The following CACNA1A variants were observed in gnomAD, a reference collection of about 807,000 sequenced individuals.
CACNA1A encodes calcium voltage-gated channel subunit alpha1 A.
A neutral mutation model predicts 262.4 loss-of-function variants in CACNA1A; 57 were observed. The ratio of observed to expected loss-of-function variants is 0.22; its 90% confidence interval spans 0.18 to 0.27. The LOEUF (loss-of-function observed/expected upper bound fraction) is 0.27. Ranked by LOEUF, CACNA1A falls within the 10% of genes least tolerant of loss-of-function variation. The pLI, the probability that CACNA1A is intolerant of heterozygous loss-of-function variation, is 1.00. For synonymous variants in CACNA1A, 1,431 were observed against 1,419.3 expected (o/e 1.01, Z -0.18); for missense variants, 2,526 against 3,562.8 (o/e 0.71, Z 7.41).
chr19:13,280,960 A>T (rs2057276152), intron 22 of CACNA1A, among the ~76,000 whole-genome samples: 1 of 149,818 alleles, frequency 6.7e-6, no homozygotes, highest in South Asian at 2.1e-4. Context: ...AAAAAAAAAA[A>T]GAATGCCCAT....
At chr19:13,397,074 T>C (rs2059823311) in intron 3 of CACNA1A, among the ~76,000 whole-genome samples, 1 of 152,196 alleles carries the variant, frequency 6.6e-6, no homozygotes, top group African/African-American at 2.4e-5. Context: ...TGGTCTTCTT[T>C]TGAACCATCT....
intron 3 of CACNA1A, among the ~76,000 whole-genome samples, chr19:13,426,344 G>A (rs574712991): frequency 6.6e-6 from 1 of 152,060 alleles, no homozygotes; most frequent in East Asian, 1.9e-4. Context: ...TCTCAAGTGG[G>A]GGCGTTTCTA....
Position 13,227,532 on chromosome 19 carries a change from C to T in CACNA1A, c.5529-5G>A. 1 of 1,532,446 alleles carries T rather than the reference C, an allele frequency of 6.5e-7. No individual in the cohort carries two copies. 94.9% of individuals were successfully genotyped at this position (1,532,446 alleles called of 1,614,324 possible). A position where few individuals can be genotyped will look rare whatever the true frequency, so the allele number is the denominator to read the frequency against. On this transcript the variant is annotated splice_region_variant and splice_polypyrimidine_tract_variant and intron_variant, in intron 36 of 46. Transcript: ENST00000360228. ...TCCAGGTAAGGCATGCGGCCCCTGG[C>T]AGCACCGAAAATGAAAAAAACAAAA...
chr19:13,239,308 C>T (rs529051080), intron 31 of CACNA1A, among the ~76,000 whole-genome samples: 32 of 152,308 alleles, frequency 2.1e-4, no homozygotes, highest in African/African-American at 7.5e-4. Flanking sequence ...TCACAGGTTC[C>T]GTCCCACCAC....
intron 1 of CACNA1A, among the ~76,000 whole-genome samples, chr19:13,464,579 T>C (rs1369825852): frequency 1.3e-5 from 2 of 149,434 alleles, no homozygotes; most frequent in Non-Finnish European, 3.0e-5. Context: ...GACCGAGTCT[T>C]GCTCTTTCGC....
chr19:13,255,892 CCTTT>C (rs112211843), intron 28 of CACNA1A, among the ~76,000 whole-genome samples: 4,265 of 141,902 alleles, frequency 0.03, 226 homozygotes, highest in African/African-American at 0.099. Flanking sequence ...TCCTTCGCTC[CCTTT>C]CTTTCTTCTT....
chr19:13,243,237 C>A (rs1425021917), intron 31 of CACNA1A, among the ~76,000 whole-genome samples: 3 of 152,190 alleles, frequency 2.0e-5, no homozygotes, highest in Non-Finnish European at 2.9e-5. Flanking sequence ...TGGGCAAGAA[C>A]CCTCTAGAGG....
chr19:13,382,472 G>A (rs2059540489), intron 3 of CACNA1A, among the ~76,000 whole-genome samples: 1 of 152,192 alleles, frequency 6.6e-6, no homozygotes, highest in African/African-American at 2.4e-5. Context: ...AGATAAGGGA[G>A]GCTTCTCTGG....
In CACNA1A at chr19:13,308,642, G is replaced by A. The variant is rs1177037201; in HGVS notation, c.1669-114C>T. On this transcript the variant is annotated intron_variant, in intron 12 of 46. Transcript: ENST00000360228. The surrounding 1 kb of genome is among the most constrained non-coding windows in gnomAD (Gnocchi z 4.2). ...CTCAACCAAACTCCTCCCTCCAAATGGAAGCCGGGTGAGGATCCTTGACCC... is the reference window on the plus strand; with the variant it reads ...CTCAACCAAACTCCTCCCTCCAAATAGAAGCCGGGTGAGGATCCTTGACCC... 2.4e-5 allele frequency: 15 copies of A among 622,046 alleles called. No homozygotes were observed. In the East Asian group the frequency reaches 3.9e-4, roughly 16 times the overall value. 38.5% of individuals were successfully genotyped at this position (622,046 alleles called of 1,614,324 possible).
chr19:13,206,453 T>C lies in CACNA1A; in HGVS notation c.*860A>G, dbSNP rs1459283079. ...CTATCCAAAAGCCCTTTGATTCAAC[T>C]TTTTTTTATTTTTTTTTTCTTTTTG... On this transcript the variant is annotated 3_prime_UTR_variant, in exon 47 of 47. Coordinates refer to ENST00000360228, the MANE Select transcript of CACNA1A (RefSeq NM_001127222.2). 5 of 151,912 alleles carry C rather than the reference T, an allele frequency of 3.3e-5. No individual in the cohort carries two copies. The highest frequency in any genetic ancestry group is 1.2e-4 in the African/African-American group (5 of 41,330). The allele number at this position is 151,912 out of a possible 1,614,324, so 9.4% of individuals were successfully genotyped here.
At chr19:13,386,137 T>G in intron 3 of CACNA1A, among the ~76,000 whole-genome samples, 1 of 143,684 alleles carries the variant, frequency 7.0e-6, no homozygotes, top group Non-Finnish European at 1.5e-5. Context: ...GGCAACAGAG[T>G]GAGACCTTGT....
chr19:13,270,557 C>A (rs1432459228), intron 24 of CACNA1A, among the ~76,000 whole-genome samples: 1 of 152,212 alleles, frequency 6.6e-6, no homozygotes, highest in African/African-American at 2.4e-5. Context: ...GCAAAAGAGG[C>A]CAGAAACCTG....
At chr19:13,334,522 G>C (rs751199415) in intron 7 of CACNA1A, 29 bp from the exon 8 acceptor site, 50 of 1,219,980 alleles carry the variant, frequency 4.1e-5, no homozygotes, top group Admixed American at 6.7e-5. Context: ...GCCAGAGTAT[G>C]GCTGTTTTGA....
chr19:13,276,591 C>T (rs2057153243), intron 23 of CACNA1A, among the ~76,000 whole-genome samples: 1 of 152,170 alleles, frequency 6.6e-6, no homozygotes, highest in African/African-American at 2.4e-5. Flanking sequence ...GCCACACCAG[C>T]TTCCTTGCTG....
chr19:13,338,131 C>T (rs188972656), intron 6 of CACNA1A, among the ~76,000 whole-genome samples: 162 of 152,180 alleles, frequency 1.1e-3, no homozygotes, highest in African/African-American at 3.8e-3. Flanking sequence ...AGGAGAATGG[C>T]GTGAACCCAG....
chr19:13,365,985 ATTTAT>A (rs1031524456), intron 4 of CACNA1A: 3 of 149,060 alleles, frequency 2.0e-5, no homozygotes, highest in African/African-American at 7.5e-5. Context: ...TATTATTATT[ATTTAT>A]TTTATTTATT....
At chr19:13,363,526 A>G (rs1197913282) in intron 5 of CACNA1A, 1 of 151,906 alleles carries the variant, frequency 6.6e-6, no homozygotes, top group Admixed American at 6.6e-5. Flanking sequence ...AACCCACAAA[A>G]AAACCCAAAC....
chr19:13,303,734 G>A, intron 16 of CACNA1A, 33 bp downstream of exon 16: 2 of 1,574,574 alleles, frequency 1.3e-6, no homozygotes, highest in African/African-American at 2.7e-5. Context: ...AGAGGTCCAG[G>A]CCTGTCCCCT....
At chr19:13,391,634 C>T (rs372740174) in intron 3 of CACNA1A, among the ~76,000 whole-genome samples, 7 of 152,124 alleles carry the variant, frequency 4.6e-5, no homozygotes, top group East Asian at 1.9e-4. Flanking sequence ...CGGTGGCTCA[C>T]ATCGGTAGTC....
Sources: allele counts gnomAD v4.1 joint callset (sites outside exome capture counted in the v4.1 genomes callset), GRCh38; gene constraint gnomAD v4.1.1; non-coding constraint Gnocchi (gnomAD v3.1); transcripts MANE v1.5; gene names NCBI Gene and HGNC (gene_info 2026-07-23, HGNC 2026-07-21).